Variants in SYT16 observed in about 807,000 individuals in gnomAD.
SYT16 encodes the protein synaptotagmin-16.
A neutral mutation model predicts 61.4 loss-of-function variants in SYT16; 42 were observed. The ratio of observed to expected loss-of-function variants is 0.68; its 90% CI spans 0.53 to 0.89. The LOEUF (loss-of-function observed/expected upper bound fraction) is 0.89. SYT16 is among the 40% of genes least tolerant of loss of function. The pLI, the probability that SYT16 is intolerant of heterozygous loss-of-function variation, is 0.00. For missense variants in SYT16, 804 were observed against 807.3 expected, an observed-to-expected ratio of 1.00 and a Z score of 0.05; for synonymous variants, 314 against 302.3, an observed-to-expected ratio of 1.04 and a Z score of -0.40.
chr14:61,890,702 T>TGTTAGTAAATAC (rs2048092977), intron 1 of SYT16, among the ~76,000 whole-genome samples: 1 of 152,156 alleles, frequency 6.6e-6, no homozygotes. Context: ...AAATTGCGTA[T>TGTTAGTAAATAC]GTTAGTAAAT....
intron 3 of SYT16, among the ~76,000 whole-genome samples, chr14:62,040,567 G>A (rs1358220465): frequency 2.0e-5 from 3 of 151,924 alleles, no homozygotes; most frequent in Non-Finnish European, 4.4e-5. Context: ...TTTTGCCTTC[G>A]TTTTTGAAAG....
Position 61,995,947 on chromosome 14 carries a change from C to G in SYT16, c.-73C>G. ...AAATTAATTTCTCAACATGCTTATT[C>G]TATAGTTCACATTCAATCCAGAGCA... On this transcript the variant is annotated 5_prime_UTR_variant, in exon 3 of 8. Transcript: ENST00000683842. 1 of 1,426,994 alleles carries G rather than the reference C, an allele frequency of 7.0e-7. No individual in the cohort carries two copies. Among genetic ancestry groups the G allele is most frequent in the Non-Finnish European group, 9.4e-7 (1 of 1,060,436 alleles). The allele number at this position is 1,426,994 out of a possible 1,614,324, so 88.4% of individuals were successfully genotyped here.
At chr14:62,049,027 T>A (rs1005468418) in intron 3 of SYT16, among the ~76,000 whole-genome samples, 1 of 152,176 alleles carries the variant, frequency 6.6e-6, no homozygotes, top group African/African-American at 2.4e-5. Flanking sequence ...TTCCTGGATA[T>A]CCTTGTGAAA....
intron 2 of SYT16, among the ~76,000 whole-genome samples, chr14:61,977,028 C>A (rs1166918455): frequency 1.3e-5 from 2 of 152,206 alleles, no homozygotes; most frequent in Non-Finnish European, 2.9e-5. Context: ...CTGCTAGTCT[C>A]TTTGCTAAAG....
chr14:61,816,212 T>C (rs2045421520), intron 1 of SYT16, among the ~76,000 whole-genome samples: 1 of 152,046 alleles, frequency 6.6e-6, no homozygotes, highest in South Asian at 2.1e-4. Flanking sequence ...CCTCCTTCTT[T>C]CTTGTTGGCA....
intron 1 of SYT16, among the ~76,000 whole-genome samples, chr14:61,838,621 A>T (rs2046205298): frequency 6.6e-6 from 1 of 152,176 alleles, no homozygotes; most frequent in African/African-American, 2.4e-5. Flanking sequence ...CTTTTGGCAT[A>T]GGCTTTCTTT....
At chr14:61,893,173 G>A (rs1346467857) in intron 1 of SYT16, among the ~76,000 whole-genome samples, 1 of 152,212 alleles carries the variant, frequency 6.6e-6, no homozygotes, top group African/African-American at 2.4e-5. Flanking sequence ...GTTCTTATGT[G>A]CCCAGAAAGA....
chr14:61,844,501 G>A (rs2046385816), intron 1 of SYT16, among the ~76,000 whole-genome samples: 1 of 152,086 alleles, frequency 6.6e-6, no homozygotes, highest in South Asian at 2.1e-4. Flanking sequence ...TCCTCATTTA[G>A]TAGGATACTA....
intron 7 of SYT16, among the ~76,000 whole-genome samples, chr14:62,098,993 GA>G (rs377588396): frequency 8.5e-4 from 130 of 152,254 alleles, no homozygotes; most frequent in African/African-American, 3.0e-3. Context: ...ATGAGACAGG[GA>G]AAAAGAACAA....
At chr14:62,034,394 C>A (rs1266158671) in intron 3 of SYT16, among the ~76,000 whole-genome samples, 1 of 152,254 alleles carries the variant, frequency 6.6e-6, no homozygotes, top group Non-Finnish European at 1.5e-5. Context: ...AAACAAAATC[C>A]TGTACATGAA....
rs180949083 is a variant in SYT16 at position 62,105,494 on chromosome 14, G to C, written c.*4787G>C. 1 of 152,056 alleles carries C rather than the reference G, an allele frequency of 6.6e-6. No individual in the cohort carries two copies. The highest frequency in any genetic ancestry group is 1.5e-5 in the Non-Finnish European group (1 of 68,012). 9.4% of individuals were successfully genotyped at this position (152,056 alleles called of 1,614,324 possible). ...ACTCTAATAACACAGCTCTCAAAACGTATCTGTTTGACTGGAATGTCCTGC... is the reference window on the plus strand; with the variant it reads ...ACTCTAATAACACAGCTCTCAAAACCTATCTGTTTGACTGGAATGTCCTGC... On this transcript the variant is annotated 3_prime_UTR_variant, in exon 8 of 8. Transcript: ENST00000683842.
At chr14:61,931,489 G>T (rs748788397) in intron 1 of SYT16, among the ~76,000 whole-genome samples, 2 of 152,088 alleles carry the variant, frequency 1.3e-5, no homozygotes, top group Non-Finnish European at 2.9e-5. Context: ...TTATTTTGAT[G>T]TATAGCTTTC....
intron 1 of SYT16, among the ~76,000 whole-genome samples, chr14:61,935,576 C>A (rs893639638): frequency 6.6e-6 from 1 of 152,094 alleles, no homozygotes; most frequent in African/African-American, 2.4e-5. Flanking sequence ...GTAAGAAAAC[C>A]GATCTAGTTG....
At chr14:62,042,528 G>A (rs555880315) in intron 3 of SYT16, among the ~76,000 whole-genome samples, 1 of 152,268 alleles carries the variant, frequency 6.6e-6, no homozygotes, top group East Asian at 1.9e-4. Context: ...AGTTTACCCT[G>A]TGCACTGTTA....
chr14:61,943,075 A>C (rs1171876811), intron 1 of SYT16, among the ~76,000 whole-genome samples: 4 of 152,242 alleles, frequency 2.6e-5, no homozygotes, highest in African/African-American at 9.6e-5. Flanking sequence ...ACAGAAACAC[A>C]AACTACCATC....
chr14:61,983,787 C>G (rs894757841), intron 2 of SYT16, among the ~76,000 whole-genome samples: 5 of 152,196 alleles, frequency 3.3e-5, no homozygotes, highest in Non-Finnish European at 7.3e-5. Flanking sequence ...GTTGGCCACT[C>G]AAAGTCCAGG....
chr14:62,005,877 T>C (rs769726803), intron 3 of SYT16, among the ~76,000 whole-genome samples: 2 of 152,156 alleles, frequency 1.3e-5, no homozygotes, highest in African/African-American at 4.8e-5. Context: ...AAAATGTTTT[T>C]AATGCCCTGG....
chr14:61,962,096 A>G (rs1171315808), intron 1 of SYT16, among the ~76,000 whole-genome samples: 1 of 152,106 alleles, frequency 6.6e-6, no homozygotes, highest in African/African-American at 2.4e-5. Context: ...GAAGGGAACA[A>G]CAGACACCAG....
chr14:61,951,387 G>A (rs1190006857), intron 1 of SYT16, among the ~76,000 whole-genome samples: 1 of 152,158 alleles, frequency 6.6e-6, no homozygotes, highest in African/African-American at 2.4e-5. Flanking sequence ...GTTTTAGGCT[G>A]CAAGAAAATG....
Sources: allele counts gnomAD v4.1 joint callset (sites outside exome capture counted in the v4.1 genomes callset), GRCh38; gene constraint gnomAD v4.1.1; transcripts MANE v1.5; gene names NCBI Gene and HGNC (gene_info 2026-07-23, HGNC 2026-07-21).